The following PLAGL1 variants were observed in gnomAD, a reference collection of about 807,000 sequenced individuals.
PLAGL1 encodes zinc finger protein PLAGL1.
In PLAGL1, 1 loss-of-function variant was observed where a neutral mutation model predicts 4.6. The observed-to-expected ratio is 0.22, with a 90% CI of 0.08 to 1.03. The LOEUF is 1.03. PLAGL1 is among the 50% of genes least tolerant of loss of function. PLAGL1 has a pLI of 0.58. For synonymous variants in PLAGL1, 240 were observed against 237.8 expected, an observed-to-expected ratio of 1.01 and a Z score of -0.08; for missense variants, 464 against 570.4, an observed-to-expected ratio of 0.81 and a Z score of 1.90.
In PLAGL1 at chr6:144,056,475, T is replaced by C. The variant is rs1274827931; in HGVS notation, c.-151+7993A>G. Among the ~76,000 whole-genome samples, 1 of 152,226 alleles carries C rather than the reference T, an allele frequency of 6.6e-6. No homozygotes were observed. The highest frequency in any genetic ancestry group is 1.5e-5 in the Non-Finnish European group (1 of 68,030). On this transcript the variant is annotated intron_variant, in intron 1 of 3. Coordinates refer to the PLAGL1 transcript ENST00000437412. The surrounding 1 kb of genome is among the most constrained non-coding windows in gnomAD (Gnocchi z 4.7). ...GTCACTGCTCTAAACAAAACTCCTC[T>C]GTGCTCCGTCTATTTAACCCTCTTT... is the stretch of plus-strand genomic sequence containing the variant.
chr6:143,974,218 C>T (rs1335725562), intron 2 of PLAGL1, among the ~76,000 whole-genome samples: 5 of 152,168 alleles, frequency 3.3e-5, no homozygotes, highest in Admixed American at 6.5e-5. Flanking sequence ...CATTGTGCTC[C>T]GTTCCATTTG....
At chr6:144,043,692 A>G (rs1337878314) in intron 1 of PLAGL1, among the ~76,000 whole-genome samples, 4 of 152,180 alleles carry the variant, frequency 2.6e-5, no homozygotes, top group Non-Finnish European at 4.4e-5. Context: ...CTGGCCTCAT[A>G]AAATGAGTTA....
chr6:143,945,727 G>A lies in PLAGL1; in HGVS notation c.152+2258C>T, dbSNP rs535440180. ...GTTGACCTCATGATCCACCCACCTC[G>A]GCCTCCCAAAGTGCTGGGATTACAG... On this transcript the variant is annotated intron_variant, in intron 7 of 7. Coordinates refer to ENST00000674357, the MANE Select transcript of PLAGL1 (RefSeq NM_001317162.2). The surrounding 1 kb of genome is among the most constrained non-coding windows in gnomAD (Gnocchi z 4.2). Among the ~76,000 whole-genome samples the A allele has an allele frequency of 1.9e-4, 29 of 152,126 alleles. No individual in the cohort carries two copies. The highest frequency in any genetic ancestry group is 7.9e-4 in the Admixed American group (12 of 15,282).
chr6:144,045,114 T>C (rs1333717305), intron 1 of PLAGL1, among the ~76,000 whole-genome samples: 1 of 150,598 alleles, frequency 6.6e-6, no homozygotes, highest in Non-Finnish European at 1.5e-5. Context: ...TACAGCACTC[T>C]GATGGGTCTT....
chr6:143,999,442 C>T (rs2128651890), intron 1 of PLAGL1, among the ~76,000 whole-genome samples: 1 of 152,288 alleles, frequency 6.6e-6, no homozygotes, highest in Admixed American at 6.5e-5. Context: ...ATTAATGATG[C>T]AATATAAAAC....
intron 7 of PLAGL1, among the ~76,000 whole-genome samples, chr6:143,944,783 C>CT (rs34085526): frequency 1.1e-3 from 158 of 145,100 alleles, no homozygotes; most frequent in Middle Eastern, 3.5e-3. Flanking sequence ...GTATTTAAAC[C>CT]TTTTTTTTTT....
At chr6:144,032,475 C>T (rs184879180) in intron 1 of PLAGL1, among the ~76,000 whole-genome samples, 3 of 152,026 alleles carry the variant, frequency 2.0e-5, no homozygotes, top group Non-Finnish European at 4.4e-5. Context: ...TTTTTAGCTT[C>T]TTGGCAGAAA....
At chr6:144,032,368 C>A (rs1041790034) in intron 1 of PLAGL1, among the ~76,000 whole-genome samples, 1 of 151,254 alleles carries the variant, frequency 6.6e-6, no homozygotes, top group African/African-American at 2.4e-5. Flanking sequence ...AAGTGATCCT[C>A]CCACCTCAGC....
chr6:144,014,528 C>T (rs1210191979), intron 1 of PLAGL1, among the ~76,000 whole-genome samples: 1 of 152,060 alleles, frequency 6.6e-6, no homozygotes, highest in Non-Finnish European at 1.5e-5. Context: ...TAAGAAAAAA[C>T]AATAGTGTAT....
chr6:144,003,438 C>T (rs750417199), intron 1 of PLAGL1, among the ~76,000 whole-genome samples: 21 of 152,200 alleles, frequency 1.4e-4, no homozygotes, highest in Admixed American at 3.9e-4. Context: ...TCCTGGCCAA[C>T]GCGGTGAAAC....
chr6:144,041,700 C>T (rs1427918135), intron 1 of PLAGL1, among the ~76,000 whole-genome samples: 1 of 152,164 alleles, frequency 6.6e-6, no homozygotes, highest in East Asian at 1.9e-4. Flanking sequence ...GGTATATACC[C>T]AGTAATGGGA....
chr6:143,983,212 T>C lies in PLAGL1; in HGVS notation c.-544+1923A>G, dbSNP rs148810071. On this transcript the variant is annotated intron_variant, in intron 2 of 7. Coordinates refer to ENST00000674357, the MANE Select transcript of PLAGL1 (RefSeq NM_001317162.2). This position sits in a 1 kb window ranked among gnomAD's most constrained non-coding sequence, Gnocchi z 6.6. ...AGAGCAGCATGATCAGTGGGGTCAG[T>C]GCTTCTGACAGGTCAAGGAAGATAC... Among the ~76,000 whole-genome samples the C allele has an allele frequency of 6.6e-6, 1 of 152,264 alleles. No homozygotes were observed. Among genetic ancestry groups the C allele is most frequent in the East Asian group, 1.9e-4 (1 of 5,182 alleles).
rs371603362 is a variant in PLAGL1 at position 143,982,626 on chromosome 6, G to T, written c.-544+2509C>A. 6.6e-6 allele frequency among the ~76,000 whole-genome samples: 1 copy of T among 152,184 alleles called. No homozygotes were observed. The highest frequency in any genetic ancestry group is 6.5e-5 in the Admixed American group (1 of 15,276). ...ACTCTTATAAAGAGATGATGAAGGC[G>T]TGCACCAGTGCAGTAGCAGAAGAGC... On this transcript the variant is annotated intron_variant, in intron 2 of 7. Transcript: ENST00000674357. This position sits in a 1 kb window ranked among gnomAD's most constrained non-coding sequence, Gnocchi z 5.3.
rs1562390289 is a variant in PLAGL1 at position 143,947,956 on chromosome 6, AAGTG to A, written c.152+25_152+28del. ...AAAAGCCATTTAAACGTACTTCTAA[AAGTG>A]CATACCTTTGCCAAAGCCTCTCACC... On this transcript the variant is annotated intron_variant, in intron 7 of 7. Coordinates refer to ENST00000674357, the MANE Select transcript of PLAGL1 (RefSeq NM_001317162.2). This position sits in a 1 kb window ranked among gnomAD's most constrained non-coding sequence, Gnocchi z 4.3. The A allele has an allele frequency of 3.1e-6, 5 of 1,599,646 alleles. No individual in the cohort carries two copies. Among genetic ancestry groups the A allele is most frequent in the Non-Finnish European group, 4.3e-6 (5 of 1,167,538 alleles).
At position 143,990,439 on chromosome 6, in the gene PLAGL1, G is replaced by T. The variant is rs1244781596; in HGVS notation, c.-583-5265C>A. On this transcript the variant is annotated intron_variant, in intron 1 of 7. Transcript: ENST00000674357. The surrounding 1 kb of genome is among the most constrained non-coding windows in gnomAD (Gnocchi z 5.4). The stretch of plus-strand genomic sequence containing the variant: ...CGGCTGATATTCCTCAATTTTTAAA[G>T]AACAAAACCTTCATTGACCTCCTGG... Among the ~76,000 whole-genome samples the T allele has an allele frequency of 6.6e-6, 1 of 152,018 alleles. No individual in the cohort carries two copies.
At chr6:144,052,541 G>A (rs1798649863) in intron 1 of PLAGL1, among the ~76,000 whole-genome samples, 1 of 152,188 alleles carries the variant, frequency 6.6e-6, no homozygotes, top group Non-Finnish European at 1.5e-5. Flanking sequence ...AACAGTGCTT[G>A]ACATCTAATA....
In PLAGL1 at chr6:143,949,774, G is replaced by T. The variant is rs1017830565; in HGVS notation, c.-324-1314C>A. Among the ~76,000 whole-genome samples, 1 of 152,196 alleles carries T rather than the reference G, an allele frequency of 6.6e-6. No individual in the cohort carries two copies. Among genetic ancestry groups the T allele is most frequent in the Non-Finnish European group, 1.5e-5 (1 of 68,040 alleles). The stretch of plus-strand genomic sequence containing the variant: ...TCATGGTAAACTGACCAATTGCAGT[G>T]AGTCTTTAAAGCCCTCCCTGCTCCT... On this transcript the variant is annotated intron_variant, in intron 6 of 7. Transcript: ENST00000674357. This position sits in a 1 kb window ranked among gnomAD's most constrained non-coding sequence, Gnocchi z 5.3.
chr6:144,026,500 G>C (rs1333019527), intron 1 of PLAGL1, among the ~76,000 whole-genome samples: 1 of 152,106 alleles, frequency 6.6e-6, no homozygotes, highest in Non-Finnish European at 1.5e-5. Flanking sequence ...TATAGCAGCT[G>C]TCTAGTTAAG....
chr6:144,040,519 A>T (rs1435583650), intron 1 of PLAGL1, among the ~76,000 whole-genome samples: 1 of 151,556 alleles, frequency 6.6e-6, no homozygotes, highest in African/African-American at 2.4e-5. Flanking sequence ...ACAGAGGGAG[A>T]CTCAGTCTCA....
Sources: allele counts gnomAD v4.1 joint callset (sites outside exome capture counted in the v4.1 genomes callset), GRCh38; gene constraint gnomAD v4.1.1; non-coding constraint Gnocchi (gnomAD v3.1); transcripts MANE v1.5; gene names NCBI Gene and HGNC (gene_info 2026-07-23, HGNC 2026-07-21).